The following BUD31 variants were observed in gnomAD, a reference collection of about 807,000 sequenced individuals.
BUD31 encodes the protein protein BUD31 homolog.
A neutral mutation model predicts 17.9 loss-of-function variants in BUD31; 9 were observed. That is an observed-to-expected ratio of 0.50 (90% CI 0.30 to 0.88). The LOEUF is 0.88. Among genes scored for constraint, BUD31 ranks in the 40% least tolerant of loss-of-function variants. BUD31 has a pLI of 0.06. For missense variants in BUD31, 148 were observed against 184.5 expected (o/e 0.80, Z 1.15); for synonymous variants, 70 against 64.7 (o/e 1.08, Z -0.39).
chr7:99,411,269 A>C, intron 3 of BUD31, 83 bp downstream of exon 3: 1 of 1,058,352 alleles, frequency 9.4e-7, no homozygotes, highest in South Asian at 1.4e-5. Flanking sequence ...CATAAATGCA[A>C]ATATAAAAAG....
At chr7:99,415,597 C>G (rs1795392251) in intron 3 of BUD31, among the ~76,000 whole-genome samples, 1 of 151,960 alleles carries the variant, frequency 6.6e-6, no homozygotes, top group African/African-American at 2.4e-5. Context: ...AGGGAGATTC[C>G]CTTTCCCGGT....
intron 3 of BUD31, chr7:99,412,133 A>T (rs1036436650): frequency 6.3e-6 from 1 of 159,322 alleles, no homozygotes; most frequent in African/African-American, 2.4e-5. Context: ...GCCCCTTTTT[A>T]AAAAAACTGT....
At chr7:99,419,283 C>A in intron 5 of BUD31, 108 bp from the exon 6 acceptor site, 1 of 1,357,968 alleles carries the variant, frequency 7.4e-7, no homozygotes, top group Non-Finnish European at 1.0e-6. Context: ...GAGGTGTGTC[C>A]CTATATGGCA....
At chr7:99,412,615 CTTTTTTTTT>C (rs1247022408) in intron 3 of BUD31, among the ~76,000 whole-genome samples, 3 of 140,316 alleles carry the variant, frequency 2.1e-5, no homozygotes, top group South Asian at 2.3e-4. Flanking sequence ...TCTTTTTTTT[CTTTTTTTTT>C]TTTTTGAGAC....
chr7:99,415,746 A>C (rs1372310526), intron 3 of BUD31, among the ~76,000 whole-genome samples: 1 of 152,160 alleles, frequency 6.6e-6, no homozygotes, highest in Non-Finnish European at 1.5e-5. Context: ...GGCATAACAG[A>C]AGGCTTGCAC....
chr7:99,417,813 A>G (rs1475417927), intron 5 of BUD31: 1 of 1,500,272 alleles, frequency 6.7e-7, no homozygotes, highest in African/African-American at 1.4e-5. Context: ...TCTCAACTCC[A>G]CTTTTGGGCA....
intron 3 of BUD31, among the ~76,000 whole-genome samples, chr7:99,413,936 A>G (rs576866955): frequency 1.3e-5 from 2 of 152,150 alleles, no homozygotes; most frequent in African/African-American, 2.4e-5. Flanking sequence ...GTCTTTAAAA[A>G]TCTATGTTTT....
At chr7:99,417,782 G>C in intron 5 of BUD31, 187 bp downstream of exon 5, 1 of 1,529,212 alleles carries the variant, frequency 6.5e-7, no homozygotes, top group Non-Finnish European at 8.7e-7. Context: ...GTGGCTGTGT[G>C]TTTGTTAGGT....
chr7:99,417,875 C>G lies in BUD31; in HGVS notation c.384+280C>G. The G allele has an allele frequency of 3.6e-6, 5 of 1,374,276 alleles. No individual in the cohort carries two copies. The South Asian group carries it at 5.9e-5, about 16-fold the overall frequency. The allele number at this position is 1,374,276 out of a possible 1,614,324, so 85.1% of individuals were successfully genotyped here. On this transcript the variant is annotated intron_variant, in intron 5 of 5. Transcript: ENST00000222969. Reference sequence around the variant, plus strand: ...GGAAATGGTGGTGGGGAGCCCTAATCCCAAGGTGGTGGCAGGGTGACATCA... The same window carrying G: ...GGAAATGGTGGTGGGGAGCCCTAATGCCAAGGTGGTGGCAGGGTGACATCA...
chr7:99,417,890 G>T, intron 5 of BUD31: 1 of 1,345,936 alleles, frequency 7.4e-7, no homozygotes, highest in Non-Finnish European at 9.6e-7. Context: ...GGTGGTGGCA[G>T]GGTGACATCA....
At chr7:99,410,974 A>T in intron 2 of BUD31, 90 bp from the exon 3 acceptor site, 1 of 791,326 alleles carries the variant, frequency 1.3e-6, no homozygotes. Flanking sequence ...CCCTATGCTG[A>T]CTCAAGGAAG....
At chr7:99,418,206 A>G in intron 5 of BUD31, 1 of 174,354 alleles carries the variant, frequency 5.7e-6, no homozygotes, top group Non-Finnish European at 1.2e-5. Context: ...ACCTCAGGTG[A>G]TCCACCCGCC....
chr7:99,411,019 T>C, intron 2 of BUD31, 45 bp from the exon 3 acceptor site: 1 of 1,333,480 alleles, frequency 7.5e-7, no homozygotes, highest in Non-Finnish European at 1.1e-6. Context: ...GGCAAAGGCC[T>C]TTGGGGATTT....
intron 3 of BUD31, among the ~76,000 whole-genome samples, chr7:99,413,967 A>T (rs1434493526): frequency 6.6e-6 from 1 of 152,182 alleles, no homozygotes; most frequent in African/African-American, 2.4e-5. Context: ...AATTAAAAAG[A>T]CTTTTTTTCT....
intron 4 of BUD31, 147 bp downstream of exon 4, chr7:99,416,407 T>C: frequency 1.0e-6 from 1 of 1,003,156 alleles, no homozygotes; most frequent in Non-Finnish European, 1.4e-6. Context: ...CTGAGTTTTG[T>C]GTGTGTGTTT....
Position 99,416,209 on chromosome 7 carries a change from A to G in BUD31, c.166A>G (p.Lys56Glu). 1 of 1,614,088 alleles carries G rather than the reference A, an allele frequency of 6.2e-7. No homozygotes were observed. The highest frequency in any genetic ancestry group is 8.5e-7 in the Non-Finnish European group (1 of 1,179,950). ...GCCCATCTTCAGGATCCACCACCAG[A>G]AAACCCGCTACATCTTCGACCTCTT... ...LWPIFRIHHQ[K>E]TRYIFDLFYK... Residue 56 changes from lysine (K) to glutamate (E), a missense_variant, in exon 4 of 6, where the codon AAA becomes GAA. Lys to Glu is a moderately conservative substitution (Grantham distance 56). Coordinates refer to ENST00000222969, the MANE Select transcript of BUD31 (RefSeq NM_003910.4).
At chr7:99,411,244 C>A (rs1795171766) in intron 3 of BUD31, 58 bp downstream of exon 3, 4 of 1,298,312 alleles carry the variant, frequency 3.1e-6, no homozygotes, top group Non-Finnish European at 4.4e-6. Flanking sequence ...GGCTTAGATG[C>A]CCCCAGGGGA....
intron 4 of BUD31, 85 bp downstream of exon 4, chr7:99,416,345 T>A: frequency 2.0e-6 from 3 of 1,498,688 alleles, no homozygotes; most frequent in Non-Finnish European, 2.7e-6. Context: ...TCTCGCAACC[T>A]GTGCAAGTCA....
At chr7:99,417,061 A>G (rs1795523806) in intron 4 of BUD31, 1 of 231,526 alleles carries the variant, frequency 4.3e-6, no homozygotes, top group Non-Finnish European at 8.5e-6. Flanking sequence ...GCAATACTGA[A>G]TGCCTTTTTT....
Sources: allele counts gnomAD v4.1 joint callset (sites outside exome capture counted in the v4.1 genomes callset), GRCh38; gene constraint gnomAD v4.1.1; transcripts MANE v1.5; gene names NCBI Gene and HGNC (gene_info 2026-07-23, HGNC 2026-07-21).